Variants in USP40 observed in about 807,000 individuals in gnomAD.
USP40 encodes ubiquitin carboxyl-terminal hydrolase 40.
USP40 carries 143 observed loss-of-function variants against 166.2 expected under a neutral mutation model. The observed-to-expected ratio is 0.86, with a 90% confidence interval of 0.75 to 0.99. USP40 has a LOEUF of 0.99. Among genes scored for constraint, USP40 ranks in the 50% least tolerant of loss-of-function variants. The probability of loss-of-function intolerance (pLI) is 0.00; values close to 1 mark genes in which losing one functional copy is unlikely to be tolerated. For synonymous variants in USP40, 498 were observed against 524.0 expected, an observed-to-expected ratio of 0.95 and a Z score of 0.68; for missense variants, 1,444 against 1,479.7, an observed-to-expected ratio of 0.98 and a Z score of 0.40.
chr2:233,506,338 CA>C (rs976100843), intron 21 of USP40, among the ~76,000 whole-genome samples: 1 of 152,080 alleles, frequency 6.6e-6, no homozygotes, highest in Admixed American at 6.5e-5. Flanking sequence ...TCACTAAATA[CA>C]AAAATCAACT....
Position 233,521,093 on chromosome 2 carries a change from T to C in USP40, c.2223A>G (p.Lys741=). The C allele has an allele frequency of 4.3e-6, 7 of 1,611,714 alleles. No individual in the cohort carries two copies. Among genetic ancestry groups the C allele is most frequent in the Non-Finnish European group, 5.1e-6 (6 of 1,178,990 alleles). ...CAATCTCATTCATACTAGTGACCCA[T>C]TTCTCTTCCTTGGTCAACAAGCTGT... The part of the protein sequence containing the change: ...DDNSLLTKEE[K]WVTSMNEIDW... Residue 741 remains lysine (K), a synonymous_variant, in exon 17 of 32, where the codon AAA becomes AAG. Transcript: ENST00000678225.
At chr2:233,562,902 T>G in intron 2 of USP40, 99 bp from the exon 3 acceptor site, 1 of 829,552 alleles carries the variant, frequency 1.2e-6, no homozygotes, top group Non-Finnish European at 1.8e-6. Context: ...ATCAAGTAGA[T>G]TCAGAAATAT....
rs115259405 is a variant in USP40 at position 233,521,229 on chromosome 2, G to T, written c.2202-115C>A. ...AGAGGTGACCAAGTTCTACTGAGTC[G>T]TCTCTATGATAAGTGGGCTACCTTT... On this transcript the variant is annotated intron_variant, in intron 16 of 31. Transcript: ENST00000678225. The T allele has an allele frequency of 2.1e-4, 254 of 1,210,362 alleles. No homozygotes were observed. The African/African-American group carries it at 3.6e-3, about 17-fold the overall frequency. The allele number at this position is 1,210,362 out of a possible 1,614,324, so 75.0% of individuals were successfully genotyped here. A position where few individuals can be genotyped will look rare whatever the true frequency, so the allele number is the denominator to read the frequency against.
chr2:233,518,566 C>CAA (rs61393952), intron 18 of USP40, among the ~76,000 whole-genome samples: 11 of 77,740 alleles, frequency 1.4e-4, no homozygotes, highest in South Asian at 5.1e-4. Flanking sequence ...GACTCTGTCT[C>CAA]AAAAAAAAAA....
At chr2:233,529,814 C>CTTTTTTTTTTTTTTTTTT (rs369071345) in intron 11 of USP40, among the ~76,000 whole-genome samples, 45 of 133,940 alleles carry the variant, frequency 3.4e-4, no homozygotes, top group East Asian at 1.1e-3. Flanking sequence ...TTTTCTTTTT[C>CTTTTTTTTTTTTTTTTTT]TTTTTTTTTT....
chr2:233,560,311 C>T (rs889057911), intron 3 of USP40, among the ~76,000 whole-genome samples: 3 of 152,168 alleles, frequency 2.0e-5, no homozygotes, highest in Non-Finnish European at 2.9e-5. Flanking sequence ...TACTGTATCT[C>T]GCTCTGGAGT....
intron 13 of USP40, among the ~76,000 whole-genome samples, chr2:233,527,071 C>A (rs1464450168): frequency 6.6e-6 from 1 of 152,144 alleles, no homozygotes; most frequent in Non-Finnish European, 1.5e-5. Flanking sequence ...CAGTTTTACA[C>A]AACATGCTCA....
chr2:233,555,438 T>C (rs1037727908), intron 5 of USP40, among the ~76,000 whole-genome samples: 3 of 152,192 alleles, frequency 2.0e-5, no homozygotes, highest in Non-Finnish European at 4.4e-5. Flanking sequence ...ATGGTGAAGA[T>C]TTCAAGTACC....
At chr2:233,509,611 C>A (rs929399857) in intron 21 of USP40, among the ~76,000 whole-genome samples, 1 of 152,002 alleles carries the variant, frequency 6.6e-6, no homozygotes, top group South Asian at 2.1e-4. Context: ...GAGGCCGAGG[C>A]GGGTGGATCA....
In USP40 at chr2:233,540,676, C is replaced by T; in HGVS notation, c.1156G>A (p.Gly386Arg). 6.2e-7 allele frequency: 1 copy of T among 1,611,548 alleles called. No individual in the cohort carries two copies. ...SWNKKYRKQHGPLRKFLQLHS... is the reference protein window; with the variant it reads ...SWNKKYRKQHRPLRKFLQLHS... ...CCATGTATTACCTTCCGCAGTGGTCCATGCTGTTTTCTGTACTTCTTGTTC... is the reference window on the plus strand; with the variant it reads ...CCATGTATTACCTTCCGCAGTGGTCTATGCTGTTTTCTGTACTTCTTGTTC... The change falls in exon 10 of 32, where the codon GGA becomes AGA. Residue 386 changes from glycine (G) to arginine (R), a missense_variant. Physicochemically the swap from Gly to Arg is moderately radical, Grantham distance 125. Coordinates refer to ENST00000678225, the MANE Select transcript of USP40 (RefSeq NM_001365479.2).
In USP40 at chr2:233,540,740, C is replaced by G. The variant is rs758020229; in HGVS notation, c.1092G>C (p.Gln364His). Residue 364 changes from glutamine to histidine, a missense_variant, in exon 10 of 32, where the codon CAG (glutamine) becomes CAC (histidine). Transcript: ENST00000678225. The part of the protein sequence containing the change: ...EEENNLIPVD[Q>H]LGQKLLKKIG... Reference sequence around the variant, plus strand: ...TCTTTTTCAAAAGTTTCTGGCCCAGCTGATCAACAGGAATTAGATTATTCT... The same window carrying G: ...TCTTTTTCAAAAGTTTCTGGCCCAGGTGATCAACAGGAATTAGATTATTCT... 35 of 1,613,394 alleles carry G rather than the reference C, an allele frequency of 2.2e-5. 2 individuals carry two copies. In the South Asian group the frequency reaches 3.6e-4, roughly 17 times the overall value.
In USP40 at chr2:233,493,574, C is replaced by G; in HGVS notation, c.2791-23G>C. Reference sequence around the variant, plus strand: ...ACCCTGAAGAATGGAGCATGTTTAACTGCTGTGATTACAAAGATTAAGTGA... The same window carrying G: ...ACCCTGAAGAATGGAGCATGTTTAAGTGCTGTGATTACAAAGATTAAGTGA... On this transcript the variant is annotated intron_variant, in intron 24 of 31. Coordinates refer to ENST00000678225, the MANE Select transcript of USP40 (RefSeq NM_001365479.2). The surrounding 1 kb of genome is among the most constrained non-coding windows in gnomAD (Gnocchi z 4.7). The G allele has an allele frequency of 1.3e-6, 2 of 1,595,284 alleles. No homozygotes were observed. The highest frequency in any genetic ancestry group is 1.7e-6 in the Non-Finnish European group (2 of 1,169,386).
intron 11 of USP40, among the ~76,000 whole-genome samples, chr2:233,532,167 A>G (rs1350630592): frequency 3.3e-5 from 5 of 152,190 alleles, no homozygotes; most frequent in African/African-American, 1.2e-4. Flanking sequence ...AACAAATCAG[A>G]CTGATTGCTG....
At chr2:233,540,001 T>A (rs1266836425) in intron 10 of USP40, among the ~76,000 whole-genome samples, 1 of 151,670 alleles carries the variant, frequency 6.6e-6, no homozygotes, top group Non-Finnish European at 1.5e-5. Context: ...GTCACATGCC[T>A]GTAGTCCCAG....
At chr2:233,519,316 A>G (rs1359367278) in intron 18 of USP40, 2 of 237,052 alleles carry the variant, frequency 8.4e-6, no homozygotes, top group African/African-American at 4.6e-5. Context: ...CAGAATATAC[A>G]TTCAGTATAG....
At chr2:233,477,968 AC>A (rs948057864) in intron 31 of USP40, among the ~76,000 whole-genome samples, 4 of 151,166 alleles carry the variant, frequency 2.6e-5, no homozygotes, top group Non-Finnish European at 4.4e-5. Flanking sequence ...TTTCGCTGTG[AC>A]CCCCCCGGCC....
intron 5 of USP40, 141 bp from the exon 6 acceptor site, chr2:233,554,667 G>A: frequency 5.2e-6 from 3 of 577,968 alleles, no homozygotes; most frequent in Non-Finnish European, 7.9e-6. Context: ...CTGATTAGAT[G>A]TTGTGAAGTT....
At chr2:233,541,813 T>C (rs1029738370) in intron 9 of USP40, among the ~76,000 whole-genome samples, 4 of 152,316 alleles carry the variant, frequency 2.6e-5, no homozygotes, top group East Asian at 1.9e-4. Flanking sequence ...TCAGGTCACA[T>C]AGACATTAAA....
Position 233,486,860 on chromosome 2 carries a change from C to G in USP40, c.3198-883G>C, listed in dbSNP as rs1319992507. Reference sequence around the variant, plus strand: ...CAGGGAGTGAGGCCAAGGCCTGGAGCCCAGCACAGTGCGGCCAGAGGACAG... The same window carrying G: ...CAGGGAGTGAGGCCAAGGCCTGGAGGCCAGCACAGTGCGGCCAGAGGACAG... On this transcript the variant is annotated intron_variant, in intron 28 of 31. Transcript: ENST00000678225. This position sits in a 1 kb window ranked among gnomAD's most constrained non-coding sequence, Gnocchi z 4.0. 6.6e-6 allele frequency among the ~76,000 whole-genome samples: 1 copy of G among 152,106 alleles called. No individual in the cohort carries two copies. Among genetic ancestry groups the G allele is most frequent in the African/African-American group, 2.4e-5 (1 of 41,394 alleles).
Sources: allele counts gnomAD v4.1 joint callset (sites outside exome capture counted in the v4.1 genomes callset), GRCh38; gene constraint gnomAD v4.1.1; non-coding constraint Gnocchi (gnomAD v3.1); transcripts MANE v1.5; gene names NCBI Gene and HGNC (gene_info 2026-07-23, HGNC 2026-07-21).